Variants in DPH5 observed in about 807,000 individuals in gnomAD.
DPH5 encodes the protein diphthine methyl ester synthase.
A neutral mutation model predicts 31.6 loss-of-function variants in DPH5; 31 were observed. That is an observed-to-expected ratio of 0.98 (90% CI 0.74 to 1.32). DPH5 has a LOEUF of 1.32. DPH5 is among the 40% of genes most tolerant of loss of function. The pLI, the probability that DPH5 is intolerant of heterozygous loss-of-function variation, is 0.00. For missense variants in DPH5, 309 were observed against 335.7 expected, an observed-to-expected ratio of 0.92 and a Z score of 0.62; for synonymous variants, 120 against 115.0, an observed-to-expected ratio of 1.04 and a Z score of -0.28.
Position 101,025,687 on chromosome 1 carries a change from T to A in DPH5, c.-28A>T. 1.9e-6 allele frequency: 1 copy of A among 519,348 alleles called. No homozygotes were observed. Among genetic ancestry groups the A allele is most frequent in the East Asian group, 3.4e-5 (1 of 29,032 alleles). 32.2% of individuals were successfully genotyped at this position (519,348 alleles called of 1,614,324 possible). ...AACCTAGGAGCAGCCAATTACCCGC[T>A]GAGAGAATCGTAGGTAGTTCTCTGG... On this transcript the variant is annotated 5_prime_UTR_variant, in exon 1 of 8. Transcript: ENST00000370109.
chr1:100,994,073 A>G (rs1420421650), intron 6 of DPH5, among the ~76,000 whole-genome samples: 1 of 152,104 alleles, frequency 6.6e-6, no homozygotes, highest in East Asian at 1.9e-4. Context: ...ATTTTAATTA[A>G]TCCAAAATGT....
intron 5 of DPH5, among the ~76,000 whole-genome samples, chr1:100,999,915 C>T (rs543080663): frequency 6.6e-6 from 1 of 151,938 alleles, no homozygotes; most frequent in East Asian, 1.9e-4. Context: ...GAGGCCGAGG[C>T]GGGTGGATCA....
chr1:101,023,706 G>A (rs1660631427), intron 2 of DPH5, among the ~76,000 whole-genome samples: 1 of 152,102 alleles, frequency 6.6e-6, no homozygotes, highest in African/African-American at 2.4e-5. Context: ...AAGAAACTGA[G>A]GTTCAGAGAA....
chr1:100,992,718 G>A lies in DPH5; in HGVS notation c.553C>T (p.Pro185Ser), dbSNP rs991092077. The A allele has an allele frequency of 2.5e-6, 4 of 1,613,096 alleles. No individual in the cohort carries two copies. The highest frequency in any genetic ancestry group is 1.3e-5 in the African/African-American group (1 of 74,870). ...GCTTGGTTTACACTCATATACCGTG[G>A]AGGTTCATAGATCTTCCTTCCCCTA... ...LIKGRKIYEPPRYMSVNQAAQ... is the reference protein window; with the variant it reads ...LIKGRKIYEPSRYMSVNQAAQ... Residue 185 changes from proline (P) to serine (S), a missense_variant, in exon 7 of 8, where the codon CCA becomes TCA. By Grantham distance (74) the Pro-to-Ser change is moderately conservative. Coordinates refer to ENST00000370109, the MANE Select transcript of DPH5 (RefSeq NM_015958.3).
At position 100,993,774 on chromosome 1, in the gene DPH5, C is replaced by T. The variant is rs182831040; in HGVS notation, c.531-1034G>A. 2.0e-5 allele frequency among the ~76,000 whole-genome samples: 3 copies of T among 151,040 alleles called. No individual in the cohort carries two copies. The East Asian group carries it at 5.8e-4, about 29-fold the overall frequency. On this transcript the variant is annotated intron_variant, in intron 6 of 7. Transcript: ENST00000370109. ...AATTTTTTTTTTTAAGACAGTCTCA[C>T]TCTGTTGCCCAGGCTGCAGTACAGT...
chr1:100,992,836 C>G (rs1657898069), intron 6 of DPH5, 96 bp from the exon 7 acceptor site: 1 of 756,940 alleles, frequency 1.3e-6, no homozygotes, highest in Non-Finnish European at 2.3e-6. Flanking sequence ...TCAAGTACCA[C>G]AGTCTACATT....
At chr1:101,002,065 G>A (rs1011048605) in intron 4 of DPH5, among the ~76,000 whole-genome samples, 2 of 152,198 alleles carry the variant, frequency 1.3e-5, no homozygotes, top group Non-Finnish European at 2.9e-5. Context: ...CTGAGGGAAT[G>A]CTCCCTTCCA....
chr1:100,998,720 A>C (rs1211987823), intron 5 of DPH5, among the ~76,000 whole-genome samples: 2 of 152,194 alleles, frequency 1.3e-5, no homozygotes, highest in Non-Finnish European at 2.9e-5. Flanking sequence ...GAGCAAGATA[A>C]AGTCTCTGCT....
intron 5 of DPH5, among the ~76,000 whole-genome samples, chr1:101,000,309 A>G (rs1658759202): frequency 6.6e-6 from 1 of 152,236 alleles, no homozygotes; most frequent in Non-Finnish European, 1.5e-5. Context: ...ACACAGTACA[A>G]TTCAAAGTAT....
At chr1:101,007,581 G>C (rs1463813994) in intron 4 of DPH5, among the ~76,000 whole-genome samples, 2 of 151,990 alleles carry the variant, frequency 1.3e-5, no homozygotes, top group Admixed American at 6.6e-5. Flanking sequence ...TGGGTGTGGT[G>C]GTGGGCGCCT....
intron 5 of DPH5, among the ~76,000 whole-genome samples, chr1:100,999,146 A>G (rs1393100094): frequency 3.9e-5 from 6 of 152,214 alleles, no homozygotes; most frequent in Non-Finnish European, 7.3e-5. Flanking sequence ...AATGTATTAT[A>G]ATCTTTTCTA....
At chr1:101,023,509 G>C (rs1660620113) in intron 2 of DPH5, among the ~76,000 whole-genome samples, 1 of 152,224 alleles carries the variant, frequency 6.6e-6, no homozygotes, top group South Asian at 2.1e-4. Context: ...GCTGGGTCCA[G>C]CTTCAGGTCT....
At position 100,999,524 on chromosome 1, in the gene DPH5, T is replaced by C. The variant is rs372257936; in HGVS notation, c.490+1943A>G. On this transcript the variant is annotated intron_variant, in intron 5 of 7. Transcript: ENST00000370109. ...ATTGTTAAATAATAGAGATTGGCTA[T>C]ATTATGCAAATAGCTTAAAAATTTT... is the stretch of plus-strand genomic sequence containing the variant. Among the ~76,000 whole-genome samples the C allele has an allele frequency of 1.5e-4, 23 of 152,104 alleles. No individual in the cohort carries two copies. The South Asian group carries it at 4.8e-3, about 32-fold the overall frequency.
At chr1:101,016,484 A>C in intron 3 of DPH5, among the ~76,000 whole-genome samples, 1 of 140,240 alleles carries the variant, frequency 7.1e-6, no homozygotes, top group Non-Finnish European at 1.5e-5. Flanking sequence ...TCACTATATC[A>C]CCCAGGCTGG....
chr1:101,025,034 A>G (rs1660727670), intron 2 of DPH5: 1 of 349,304 alleles, frequency 2.9e-6, no homozygotes, highest in Non-Finnish European at 5.2e-6. Flanking sequence ...AGGGGTTTTG[A>G]TAACTATCCC....
rs1657580701 is a variant in DPH5, at chr1:100,990,557, A to G, written c.709T>C (p.Leu237=). The part of the protein sequence containing the change: ...ADDQKIAAGT[L]RQMCTVDLGE... ...AAGTCCACAGTGCACATTTGCCTTA[A>G]AGTGCCTGCTGCAATTTTCTGGTCG... The change falls in exon 8 of 8, where the codon TTA becomes CTA. Residue 237 remains leucine, a synonymous_variant. Transcript: ENST00000370109. The G allele has an allele frequency of 1.2e-6, 2 of 1,614,020 alleles. No homozygotes were observed. Among genetic ancestry groups the G allele is most frequent in the African/African-American group, 1.3e-5 (1 of 74,912 alleles).
At chr1:101,016,278 C>T (rs549548370) in intron 3 of DPH5, among the ~76,000 whole-genome samples, 39 of 151,956 alleles carry the variant, frequency 2.6e-4, no homozygotes, top group African/African-American at 7.7e-4. Flanking sequence ...GGCGTGAACC[C>T]GGGAGGCGGA....
intron 5 of DPH5, chr1:100,995,604 T>G (rs1044059336): frequency 1.3e-5 from 2 of 157,420 alleles, no homozygotes; most frequent in African/African-American, 4.8e-5. Context: ...TTTGAATAAA[T>G]ACTTTAATTC....
intron 3 of DPH5, among the ~76,000 whole-genome samples, chr1:101,016,734 A>G (rs1660109461): frequency 6.6e-6 from 1 of 152,104 alleles, no homozygotes; most frequent in Non-Finnish European, 1.5e-5. Context: ...GGTGTGAGCC[A>G]CCACACCCAG....
Sources: gnomAD v4.1 joint callset for allele counts (sites outside exome capture counted in the v4.1 genomes callset) on GRCh38, gnomAD v4.1.1 for gene constraint, MANE v1.5 for transcripts, NCBI Gene and HGNC (gene_info 2026-07-23, HGNC 2026-07-21) for gene names.